The following TRPM3 variants were observed in gnomAD, a reference collection of about 807,000 sequenced individuals.
TRPM3 encodes the protein long transient receptor potential channel 3.
In TRPM3, 77 loss-of-function variants were observed where a neutral mutation model predicts 181.2. That is an observed-to-expected ratio of 0.42 (90% CI 0.35 to 0.51). TRPM3 has a LOEUF of 0.51. Ranked by LOEUF, TRPM3 falls within the 20% of genes least tolerant of loss-of-function variation. The probability of loss-of-function intolerance (pLI) is 0.01; values close to 1 mark genes in which losing one functional copy is unlikely to be tolerated. For synonymous variants in TRPM3, 745 were observed against 796.4 expected (o/e 0.94, Z 1.09); for missense variants, 1,759 against 2,196.7 (o/e 0.80, Z 3.98).
intron 1 of TRPM3, among the ~76,000 whole-genome samples, chr9:71,348,699 G>C (rs1183290266): frequency 2.0e-5 from 3 of 151,682 alleles, no homozygotes; most frequent in Non-Finnish European, 4.4e-5. Context: ...CGAGTACCTG[G>C]GATTACAGGT....
chr9:71,399,526 G>GT (rs1166936123), intron 1 of TRPM3, among the ~76,000 whole-genome samples: 4,096 of 62,680 alleles, frequency 0.065, 238 homozygotes, highest in African/African-American at 0.12. Flanking sequence ...ATTTTCTTTT[G>GT]TTTTTTTTTT....
chr9:71,151,116 G>T (rs775691631), intron 1 of TRPM3, among the ~76,000 whole-genome samples: 3 of 152,152 alleles, frequency 2.0e-5, no homozygotes, highest in Non-Finnish European at 2.9e-5. Context: ...GCGTGCATGC[G>T]CACTATGAGA....
intron 1 of TRPM3, among the ~76,000 whole-genome samples, chr9:70,877,779 C>T (rs951181966): frequency 9.6e-5 from 13 of 135,842 alleles, no homozygotes; most frequent in African/African-American, 3.7e-4. Context: ...CCGTTGGCGA[C>T]CTAAGTGCAA....
chr9:71,098,803 T>C (rs2134016311), intron 1 of TRPM3, among the ~76,000 whole-genome samples: 1 of 152,264 alleles, frequency 6.6e-6, no homozygotes, highest in South Asian at 2.1e-4. Flanking sequence ...AAAGGTTTCT[T>C]GGAGCCCCCT....
At chr9:70,963,908 T>C (rs2097161628) in intron 1 of TRPM3, among the ~76,000 whole-genome samples, 1 of 152,058 alleles carries the variant, frequency 6.6e-6, no homozygotes, top group Non-Finnish European at 1.5e-5. Context: ...TAAAGGCCAA[T>C]TATAATATTA....
chr9:70,901,204 G>GTCATTATTT (rs1184362779), intron 1 of TRPM3, among the ~76,000 whole-genome samples: 1 of 152,188 alleles, frequency 6.6e-6, no homozygotes, highest in Non-Finnish European at 1.5e-5. Context: ...GTTGTTATTG[G>GTCATTATTT]GTGTGGCTAA....
chr9:70,901,653 A>G (rs899118491), intron 1 of TRPM3, among the ~76,000 whole-genome samples: 2 of 152,220 alleles, frequency 1.3e-5, no homozygotes, highest in South Asian at 2.1e-4. Flanking sequence ...TCAAAAATGT[A>G]TAATGGGAGA....
At position 70,802,128 on chromosome 9, in the gene TRPM3, G is replaced by A. The variant is rs549802551; in HGVS notation, c.974-17849C>T. ...CATACTTTGAGAACAGTGTCCTAGC[G>A]TAAAGCTGCAGGGAAAGGAGATTTT... On this transcript the variant is annotated intron_variant, in intron 6 of 25. Transcript: ENST00000677713. Among the ~76,000 whole-genome samples, 36 of 152,264 alleles carry A rather than the reference G, an allele frequency of 2.4e-4. No homozygotes were observed. In the South Asian group the frequency reaches 5.6e-3, roughly 24 times the overall value.
chr9:71,268,728 G>A (rs1445807770), intron 1 of TRPM3, among the ~76,000 whole-genome samples: 3 of 151,338 alleles, frequency 2.0e-5, no homozygotes, highest in African/African-American at 7.3e-5. Flanking sequence ...TGGCTGAGGT[G>A]GGAGAATCAC....
rs2095557683 is a variant in TRPM3, at chr9:70,862,907, C to T, written c.462+1G>A. On this transcript the variant is annotated splice_donor_variant, in intron 3 of 25. Transcript: ENST00000677713. LOFTEE classifies it high-confidence loss of function. ...GAGCAACTGAATGGCTTTCTGATTA[C>T]CATGGCTTTGTTGGAATGGCCACCT... is the stretch of plus-strand genomic sequence containing the variant. 6.2e-7 allele frequency: 1 copy of T among 1,613,242 alleles called. No individual in the cohort carries two copies. Among genetic ancestry groups the T allele is most frequent in the Non-Finnish European group, 8.5e-7 (1 of 1,179,494 alleles).
chr9:71,292,549 A>C lies in TRPM3; in HGVS notation c.183+154104T>G, dbSNP rs776545085. On this transcript the variant is annotated intron_variant, in intron 1 of 24. Coordinates refer to the TRPM3 transcript ENST00000357533. ...CATTCTTAGAAATGTGTGAATTATT[A>C]AAAGTGACTTAAGTCAGTATTACTA... is the stretch of plus-strand genomic sequence containing the variant. Among the ~76,000 whole-genome samples, 102 of 152,012 alleles carry C rather than the reference A, an allele frequency of 6.7e-4. 7 individuals are homozygous for C. Among genetic ancestry groups the C allele is most frequent in the Non-Finnish European group, 2.2e-4 (15 of 67,894 alleles).
At chr9:71,041,555 AT>A (rs2058824278) in intron 1 of TRPM3, among the ~76,000 whole-genome samples, 1 of 152,094 alleles carries the variant, frequency 6.6e-6, no homozygotes, top group Non-Finnish European at 1.5e-5. Context: ...TTTCTTGGCA[AT>A]GTCCAAATCG....
At chr9:71,170,708 T>C (rs2076806643) in intron 1 of TRPM3, among the ~76,000 whole-genome samples, 1 of 152,170 alleles carries the variant, frequency 6.6e-6, no homozygotes, top group Admixed American at 6.5e-5. Context: ...TGTCTTCACT[T>C]TAATCTCTTA....
intron 22 of TRPM3, among the ~76,000 whole-genome samples, chr9:70,573,137 A>T (rs982757046): frequency 6.6e-6 from 1 of 152,216 alleles, no homozygotes; most frequent in African/African-American, 2.4e-5. Context: ...ACAATTCCAG[A>T]AGCCATAGTG....
rs79475154 is a variant in TRPM3 at position 71,436,611 on chromosome 9, T to C, written c.183+10042A>G. ...AGCCACCACTCCCGGCCTAAACCTC[T>C]TTTTCTTCCCAGTCTTGAGTATGTC... On this transcript the variant is annotated intron_variant, in intron 1 of 24. Transcript: ENST00000357533. Among the ~76,000 whole-genome samples, 136 of 152,014 alleles carry C rather than the reference T, an allele frequency of 8.9e-4. 2 individuals are homozygous for C. The East Asian group carries it at 0.024, about 27-fold the overall frequency.
intron 1 of TRPM3, among the ~76,000 whole-genome samples, chr9:71,399,226 A>C (rs1182499502): frequency 3.9e-5 from 6 of 152,176 alleles, no homozygotes; most frequent in Non-Finnish European, 8.8e-5. Context: ...ATGACTTAGA[A>C]AACTACTTAA....
chr9:70,904,651 C>T (rs920621960), intron 1 of TRPM3, among the ~76,000 whole-genome samples: 1 of 152,098 alleles, frequency 6.6e-6, no homozygotes, highest in African/African-American at 2.4e-5. Flanking sequence ...TGACACAGTC[C>T]TCAAGGAAGA....
chr9:70,979,565 T>C (rs1205416778), intron 1 of TRPM3, among the ~76,000 whole-genome samples: 1 of 152,170 alleles, frequency 6.6e-6, no homozygotes, highest in Non-Finnish European at 1.5e-5. Flanking sequence ...CTGTGCTCCT[T>C]GGTGTAAGTA....
intron 1 of TRPM3, among the ~76,000 whole-genome samples, chr9:71,411,369 A>C (rs1205691683): frequency 6.6e-6 from 1 of 152,248 alleles, no homozygotes; most frequent in African/African-American, 2.4e-5. Context: ...GTCTCAGCCC[A>C]AAATCTCCTT....
Sources: allele counts gnomAD v4.1 joint callset (sites outside exome capture counted in the v4.1 genomes callset), GRCh38; gene constraint gnomAD v4.1.1; transcripts MANE v1.5; gene names NCBI Gene and HGNC (gene_info 2026-07-23, HGNC 2026-07-21).